The following DSCAM variants were observed in gnomAD, a reference collection of about 807,000 sequenced individuals.
The protein encoded by DSCAM is cell adhesion molecule DSCAM.
DSCAM carries 47 observed loss-of-function variants against 217.7 expected under a neutral mutation model. The ratio of observed to expected loss-of-function variants is 0.22; its 90% CI spans 0.17 to 0.28. The LOEUF is 0.28. Ranked by LOEUF, DSCAM falls within the 10% of genes least tolerant of loss-of-function variation. DSCAM has a pLI of 1.00. For missense variants in DSCAM, 2,080 were observed against 2,618.3 expected, an observed-to-expected ratio of 0.79 and a Z score of 4.49; for synonymous variants, 1,056 against 1,015.3, an observed-to-expected ratio of 1.04 and a Z score of -0.76.
chr21:40,228,435 CTT>C (rs2091352683), intron 11 of DSCAM, among the ~76,000 whole-genome samples: 1 of 152,118 alleles, frequency 6.6e-6, no homozygotes, highest in Non-Finnish European at 1.5e-5. Context: ...TTATTTTACA[CTT>C]ATCACTTATT....
At position 40,371,637 on chromosome 21, in the gene DSCAM, T is replaced by C. The variant is rs544299764; in HGVS notation, c.509-2392A>G. ...CTATTCTCTAGGAACATTTTGTTCT[T>C]GTAATATCTAACATTTTTTTCGTTT... On this transcript the variant is annotated intron_variant, in intron 3 of 32. Coordinates refer to ENST00000400454, the MANE Select transcript of DSCAM (RefSeq NM_001389.5). Among the ~76,000 whole-genome samples, 31 of 152,328 alleles carry C rather than the reference T, an allele frequency of 2.0e-4. 1 individual carries two copies. In the East Asian group the frequency reaches 6.0e-3, roughly 29 times the overall value.
intron 3 of DSCAM, among the ~76,000 whole-genome samples, chr21:40,570,429 C>G (rs908218573): frequency 6.6e-6 from 1 of 152,228 alleles, no homozygotes; most frequent in African/African-American, 2.4e-5. Context: ...GGAGCATGTC[C>G]TTCCTGCAAG....
intron 3 of DSCAM, among the ~76,000 whole-genome samples, chr21:40,620,386 G>GAGAA (rs1555872443): frequency 0.013 from 1,203 of 91,606 alleles, 52 homozygotes; most frequent in Non-Finnish European, 0.019. Flanking sequence ...AAGAAAGAAA[G>GAGAA]AGAAAGAAAG....
chr21:40,364,635 T>C (rs1954459314), intron 4 of DSCAM, among the ~76,000 whole-genome samples: 1 of 150,732 alleles, frequency 6.6e-6, no homozygotes, highest in African/African-American at 2.4e-5. Flanking sequence ...ATATGTAACA[T>C]ACCTGTACGT....
intron 3 of DSCAM, among the ~76,000 whole-genome samples, chr21:40,685,297 T>A (rs566096544): frequency 6.6e-6 from 1 of 152,332 alleles, no homozygotes; most frequent in Admixed American, 6.5e-5. Flanking sequence ...GACTGTCCCT[T>A]GGCTGGTATC....
intron 3 of DSCAM, among the ~76,000 whole-genome samples, chr21:40,626,312 C>T (rs1177654570): frequency 6.6e-6 from 1 of 152,142 alleles, no homozygotes; most frequent in Non-Finnish European, 1.5e-5. Flanking sequence ...TCTCCACTTA[C>T]CTCTACTTCC....
intron 3 of DSCAM, among the ~76,000 whole-genome samples, chr21:40,523,650 G>C (rs2076377317): frequency 1.3e-5 from 2 of 152,100 alleles, no homozygotes; most frequent in African/African-American, 4.8e-5. Flanking sequence ...TCCAAGCCCA[G>C]GTGTGATCTG....
intron 3 of DSCAM, chr21:40,513,196 G>A (rs1297457769): frequency 6.6e-6 from 1 of 152,216 alleles, no homozygotes; most frequent in Non-Finnish European, 1.5e-5. Flanking sequence ...TGCATAGAAA[G>A]AGGAGAGAAC....
intron 3 of DSCAM, among the ~76,000 whole-genome samples, chr21:40,642,420 A>T (rs1055462541): frequency 2.6e-5 from 4 of 152,134 alleles, no homozygotes; most frequent in Non-Finnish European, 5.9e-5. Flanking sequence ...AGTACTGAGA[A>T]ATTACACCGG....
At chr21:40,776,323 C>A (rs1275122173) in intron 1 of DSCAM, among the ~76,000 whole-genome samples, 1 of 152,022 alleles carries the variant, frequency 6.6e-6, no homozygotes, top group Non-Finnish European at 1.5e-5. Flanking sequence ...TTTCAACATT[C>A]AAGATTATGG....
chr21:40,562,515 C>T (rs897674428), intron 3 of DSCAM, among the ~76,000 whole-genome samples: 2 of 152,222 alleles, frequency 1.3e-5, no homozygotes, highest in African/African-American at 4.8e-5. Flanking sequence ...TCAGAGAAAG[C>T]TCAGCATCAT....
At chr21:40,486,307 A>G (rs7283415) in intron 3 of DSCAM, among the ~76,000 whole-genome samples, 104,482 of 152,080 alleles carry the variant, frequency 0.69, 36,970 homozygotes, top group African/African-American at 0.87. Context: ...CAGCCTTTAT[A>G]CTGGCTGGTC....
intron 3 of DSCAM, among the ~76,000 whole-genome samples, chr21:40,447,880 A>C (rs1276866346): frequency 1.3e-5 from 2 of 152,176 alleles, no homozygotes; most frequent in Admixed American, 6.5e-5. Flanking sequence ...TGGAATTTTT[A>C]AGTTCTATTT....
chr21:40,448,295 C>A (rs1365123847), intron 3 of DSCAM, among the ~76,000 whole-genome samples: 2 of 152,164 alleles, frequency 1.3e-5, no homozygotes, highest in Admixed American at 6.5e-5. Flanking sequence ...CCAAATAGAA[C>A]AAAAACATAG....
intron 1 of DSCAM, among the ~76,000 whole-genome samples, chr21:40,752,985 T>C (rs1475171986): frequency 6.7e-6 from 1 of 149,626 alleles, no homozygotes; most frequent in Non-Finnish European, 1.5e-5. Context: ...GCTAACACCC[T>C]GTCACGTGGC....
chr21:40,754,540 C>A (rs941540146), intron 1 of DSCAM, among the ~76,000 whole-genome samples: 1 of 152,216 alleles, frequency 6.6e-6, no homozygotes, highest in Non-Finnish European at 1.5e-5. Flanking sequence ...GAGCAGGACC[C>A]TGCCTCAGTT....
chr21:40,242,785 T>C (rs2073170893), intron 11 of DSCAM, among the ~76,000 whole-genome samples: 1 of 152,256 alleles, frequency 6.6e-6, no homozygotes, highest in African/African-American at 2.4e-5. Flanking sequence ...GGGCATATTG[T>C]GTGAGTGATA....
intron 11 of DSCAM, among the ~76,000 whole-genome samples, chr21:40,216,400 A>G (rs76842307): frequency 0.03 from 4,583 of 152,196 alleles, 82 homozygotes; most frequent in South Asian, 0.055. Flanking sequence ...AGGCATGAAC[A>G]ACTACACCCA....
At chr21:40,708,868 A>G (rs2146483405) in intron 1 of DSCAM, 97 bp from the exon 2 acceptor site, 3 of 916,536 alleles carry the variant, frequency 3.3e-6, no homozygotes, top group Non-Finnish European at 4.6e-6. Context: ...CTGAAAATTA[A>G]TCATGAGGCG....
Sources: allele counts gnomAD v4.1 joint callset (sites outside exome capture counted in the v4.1 genomes callset), GRCh38; gene constraint gnomAD v4.1.1; transcripts MANE v1.5; gene names NCBI Gene and HGNC (gene_info 2026-07-23, HGNC 2026-07-21).